STAT3: variants seen among roughly 807,000 people sequenced by gnomAD.
The protein encoded by STAT3 is DNA-binding protein APRF.
A neutral mutation model predicts 114.3 loss-of-function variants in STAT3; 7 were observed. That is an observed-to-expected ratio of 0.06 (90% confidence interval 0.03 to 0.11). The LOEUF is 0.11. Among genes scored for constraint, STAT3 ranks in the 10% least tolerant of loss-of-function variants. The probability of loss-of-function intolerance (pLI) is 1.00; values close to 1 mark genes in which losing one functional copy is unlikely to be tolerated. For synonymous variants in STAT3, 331 were observed against 354.5 expected (o/e 0.93, Z 0.74); for missense variants, 364 against 960.9 (o/e 0.38, Z 8.21).
chr17:42,369,809 C>T (rs2084007334), intron 1 of STAT3, among the ~76,000 whole-genome samples: 1 of 151,960 alleles, frequency 6.6e-6, no homozygotes, highest in African/African-American at 2.4e-5. Flanking sequence ...CAGGTACATG[C>T]TGCCAAACCC....
intron 15 of STAT3, 28 bp from the exon 16 acceptor site, chr17:42,325,089 G>A (rs2081647828): frequency 6.2e-7 from 1 of 1,601,890 alleles, no homozygotes. Flanking sequence ...ACTGAGCTGG[G>A]GAGGCAGAGG....
chr17:42,379,121 CT>C (rs2084635997), intron 1 of STAT3, among the ~76,000 whole-genome samples: 1 of 152,126 alleles, frequency 6.6e-6, no homozygotes, highest in South Asian at 2.1e-4. Context: ...TCAGAAATGG[CT>C]TCTACAAAAA....
At chr17:42,373,607 G>A (rs188238418) in intron 1 of STAT3, among the ~76,000 whole-genome samples, 2 of 151,458 alleles carry the variant, frequency 1.3e-5, no homozygotes, top group East Asian at 3.9e-4. Context: ...TATATTAATT[G>A]AGCCGGGCGC....
In STAT3 at chr17:42,326,203, CA is replaced by C. The variant is rs770261342; in HGVS notation, c.1282-5del. Reference sequence around the variant, plus strand: ...CCTCAGTCACAATCAGGGAAGCCTACAGTAACGAGAAGGACACTCTTAGGCC... The same window carrying C: ...CCTCAGTCACAATCAGGGAAGCCTACGTAACGAGAAGGACACTCTTAGGCC... On this transcript the variant is annotated splice_polypyrimidine_tract_variant and splice_region_variant and intron_variant, in intron 14 of 23. Coordinates refer to ENST00000264657, the MANE Select transcript of STAT3 (RefSeq NM_139276.3). 1.2e-6 allele frequency: 2 copies of C among 1,613,356 alleles called. No homozygotes were observed. The highest frequency in any genetic ancestry group is 3.3e-5 in the Admixed American group (2 of 59,980).
At position 42,337,848 on chromosome 17, in the gene STAT3, T is replaced by A; in HGVS notation, c.560A>T (p.Asp187Val). The part of the protein sequence containing the change: ...KTLKSQGDMQ[D>V]LNGNNQSVTR... Reference sequence around the variant, plus strand: ...CACTGACTGGTTGTTTCCATTCAGATCTTGCATGTCTGCGAAGGAAGAAAA... The same window carrying A: ...CACTGACTGGTTGTTTCCATTCAGAACTTGCATGTCTGCGAAGGAAGAAAA... Residue 187 changes from aspartate to valine, a missense_variant, in exon 7 of 24, where the codon GAT becomes GTT. Around this residue, in one of 5 missense-constraint regions of STAT3, gnomAD observed 294 missense variants for 745.1 expected, o/e 0.39. Transcript: ENST00000264657. This position sits in a 1 kb window ranked among gnomAD's most constrained non-coding sequence, Gnocchi z 4.0. The A allele has an allele frequency of 6.2e-7, 1 of 1,614,088 alleles. No individual in the cohort carries two copies. Among genetic ancestry groups the A allele is most frequent in the Non-Finnish European group, 8.5e-7 (1 of 1,180,028 alleles).
chr17:42,362,710 C>T (rs1035803229), intron 1 of STAT3, among the ~76,000 whole-genome samples: 2 of 152,154 alleles, frequency 1.3e-5, no homozygotes, highest in South Asian at 4.2e-4. Flanking sequence ...ACAAATTCAT[C>T]GAGCTAATGA....
chr17:42,367,420 G>A (rs989315394), intron 1 of STAT3, among the ~76,000 whole-genome samples: 6 of 150,620 alleles, frequency 4.0e-5, no homozygotes, highest in African/African-American at 7.3e-5. Context: ...GTCCTACCAC[G>A]GCCCACCAGT....
intron 8 of STAT3, among the ~76,000 whole-genome samples, chr17:42,334,866 T>C (rs2082168488): frequency 6.6e-6 from 1 of 152,218 alleles, no homozygotes; most frequent in Non-Finnish European, 1.5e-5. Context: ...GATGGAGTTA[T>C]CACTGGAAAA....
chr17:42,325,946 T>C (rs905426065), intron 15 of STAT3, among the ~76,000 whole-genome samples, 170 bp downstream of exon 15: 3 of 152,236 alleles, frequency 2.0e-5, no homozygotes, highest in Non-Finnish European at 4.4e-5. Flanking sequence ...AGCAAGACTT[T>C]ATTGCCAGAT....
Position 42,326,155 on chromosome 17 carries a change from C to T in STAT3, c.1326G>A (p.Glu442=). The T allele has an allele frequency of 6.2e-7, 1 of 1,613,986 alleles. No individual in the cohort carries two copies. The part of the protein sequence containing the change: ...VTEELHLITF[E]TEVYHQGLKI... Reference sequence around the variant, plus strand: ...TGAGGCCTTGGTGATACACCTCGGTCTCAAAGGTGATCAGGTGCAGCTCCT... The same window carrying T: ...TGAGGCCTTGGTGATACACCTCGGTTTCAAAGGTGATCAGGTGCAGCTCCT... Residue 442 remains glutamate (E), a synonymous_variant, in exon 15 of 24, where the codon GAG becomes GAA. Coordinates refer to ENST00000264657, the MANE Select transcript of STAT3 (RefSeq NM_139276.3).
intron 1 of STAT3, among the ~76,000 whole-genome samples, chr17:42,377,928 G>C (rs1486196595): frequency 6.6e-6 from 1 of 151,438 alleles, no homozygotes; most frequent in Non-Finnish European, 1.5e-5. Flanking sequence ...AACGTCCGTG[G>C]AATCTATGGG....
In STAT3 at chr17:42,348,323, A is replaced by G. The variant is rs373704561; in HGVS notation, c.128+66T>C. On this transcript the variant is annotated intron_variant, in intron 2 of 23. Coordinates refer to ENST00000264657, the MANE Select transcript of STAT3 (RefSeq NM_139276.3). ...AATGGAACAGCAAGGCATGACATTAAGAGTTCATGTCTCTTGACTCAAACT... is the reference window on the plus strand; with the variant it reads ...AATGGAACAGCAAGGCATGACATTAGGAGTTCATGTCTCTTGACTCAAACT... 7.5e-6 allele frequency: 12 copies of G among 1,596,652 alleles called. No homozygotes were observed. In the East Asian group the frequency reaches 8.9e-5, roughly 12 times the overall value.
chr17:42,363,389 G>A (rs536635696), intron 1 of STAT3, among the ~76,000 whole-genome samples: 2 of 151,966 alleles, frequency 1.3e-5, no homozygotes, highest in Non-Finnish European at 2.9e-5. Flanking sequence ...CTTATCTCAG[G>A]CTCTGTAACT....
At chr17:42,348,339 G>T in intron 2 of STAT3, 50 bp downstream of exon 2, 1 of 1,611,806 alleles carries the variant, frequency 6.2e-7, no homozygotes, top group South Asian at 1.1e-5. Context: ...CATGTCTCTT[G>T]ACTCAAACTG....
At chr17:42,346,244 G>C (rs1304333134) in intron 3 of STAT3, among the ~76,000 whole-genome samples, 1 of 152,158 alleles carries the variant, frequency 6.6e-6, no homozygotes, top group South Asian at 2.1e-4. Context: ...TAGTCAAGAA[G>C]TATCCCATTA....
rs376751806 is a variant in STAT3 at position 42,357,970 on chromosome 17, T to C, written c.-23-9431A>G. Among the ~76,000 whole-genome samples, 39 of 152,274 alleles carry C rather than the reference T, an allele frequency of 2.6e-4. No homozygotes were observed. The East Asian group carries it at 7.1e-3, about 28-fold the overall frequency. On this transcript the variant is annotated intron_variant, in intron 1 of 23. Coordinates refer to ENST00000264657, the MANE Select transcript of STAT3 (RefSeq NM_139276.3). The stretch of plus-strand genomic sequence containing the variant: ...CTTGAGTGCCCAATCTGAAACAAAT[T>C]ACTATAATTACTGTAATGTTCAATT...
intron 21 of STAT3, among the ~76,000 whole-genome samples, chr17:42,321,314 A>G (rs954045519): frequency 8.0e-5 from 12 of 150,836 alleles, no homozygotes; most frequent in African/African-American, 2.4e-4. Flanking sequence ...TTGTATAGAT[A>G]GGGTCTCACT....
At chr17:42,326,224 T>G in intron 14 of STAT3, 25 bp from the exon 15 acceptor site, 1 of 1,609,346 alleles carries the variant, frequency 6.2e-7, no homozygotes, top group Non-Finnish European at 8.5e-7. Context: ...AGGACACTCT[T>G]AGGCCAGGTG....
intron 14 of STAT3, among the ~76,000 whole-genome samples, chr17:42,328,869 A>G (rs567412881): frequency 6.6e-6 from 1 of 152,212 alleles, no homozygotes; most frequent in Non-Finnish European, 1.5e-5. Flanking sequence ...AATAATCTGA[A>G]TCAATGAAAA....
Sources: allele counts gnomAD v4.1 joint callset (sites outside exome capture counted in the v4.1 genomes callset), GRCh38; gene constraint gnomAD v4.1.1; regional missense constraint gnomAD v4.1.1; non-coding constraint Gnocchi (gnomAD v3.1); transcripts MANE v1.5; gene names NCBI Gene and HGNC (gene_info 2026-07-23, HGNC 2026-07-21).